PHTF2: variants seen among roughly 807,000 people sequenced by gnomAD.
The protein encoded by PHTF2 is putative homeodomain transcription factor 2, also known as protein PHTF2.
In PHTF2, 60 loss-of-function variants were observed where a neutral mutation model predicts 101.2. That is an observed-to-expected ratio of 0.59 (90% confidence interval 0.48 to 0.73). The LOEUF (loss-of-function observed/expected upper bound fraction) is 0.73, where lower values mean the gene tolerates loss of function less well. Among genes scored for constraint, PHTF2 ranks in the 30% least tolerant of loss-of-function variants. The probability of loss-of-function intolerance (pLI) is 0.00; values close to 1 mark genes in which losing one functional copy is unlikely to be tolerated. For missense variants in PHTF2, 747 were observed against 908.7 expected, an observed-to-expected ratio of 0.82 and a Z score of 2.29; for synonymous variants, 311 against 307.3, an observed-to-expected ratio of 1.01 and a Z score of -0.13.
chr7:77,886,453 T>C lies in PHTF2; in HGVS notation c.148-7155T>C, dbSNP rs573802274. Reference sequence around the variant, plus strand: ...CTACCTACCAATCCTCCCGTTTCTTTACGCTTTTCTTTCCTTCCCAGTTTT... The same window carrying C: ...CTACCTACCAATCCTCCCGTTTCTTCACGCTTTTCTTTCCTTCCCAGTTTT... On this transcript the variant is annotated intron_variant, in intron 3 of 19. Transcript: ENST00000416283. 2.0e-5 allele frequency among the ~76,000 whole-genome samples: 3 copies of C among 152,326 alleles called. No homozygotes were observed. In the South Asian group the frequency reaches 6.2e-4, roughly 32 times the overall value.
At chr7:77,833,428 G>A (rs897053218) in intron 1 of PHTF2, among the ~76,000 whole-genome samples, 14 of 152,174 alleles carry the variant, frequency 9.2e-5, no homozygotes, top group Admixed American at 2.0e-4. Context: ...AATAATATGA[G>A]AGTCTGAGGA....
chr7:77,905,758 A>G (rs1801797358), intron 7 of PHTF2, among the ~76,000 whole-genome samples: 1 of 151,764 alleles, frequency 6.6e-6, no homozygotes. Flanking sequence ...TCAGCCTGTC[A>G]GAGTGCTGGG....
Position 77,855,142 on chromosome 7 carries a change from T to A in PHTF2, c.147+308T>A, listed in dbSNP as rs565017965. Reference sequence around the variant, plus strand: ...GCAGTGAGTACCGCCTGGGTACCACTTATGTGTATTCAAGACCCAAGGGGT... The same window carrying A: ...GCAGTGAGTACCGCCTGGGTACCACATATGTGTATTCAAGACCCAAGGGGT... On this transcript the variant is annotated intron_variant, in intron 3 of 19. Coordinates refer to ENST00000416283, the Ensembl canonical transcript of PHTF2. 5.3e-5 allele frequency among the ~76,000 whole-genome samples: 8 copies of A among 152,306 alleles called. No homozygotes were observed. In the South Asian group the frequency reaches 1.7e-3, roughly 32 times the overall value.
At chr7:77,948,403 A>T (rs573056266) in intron 16 of PHTF2, among the ~76,000 whole-genome samples, 1 of 152,280 alleles carries the variant, frequency 6.6e-6, no homozygotes, top group East Asian at 1.9e-4. Flanking sequence ...CTATACATAA[A>T]AATAAATTCT....
chr7:77,872,031 A>G (rs1386186785), intron 3 of PHTF2, among the ~76,000 whole-genome samples: 3 of 152,180 alleles, frequency 2.0e-5, no homozygotes, highest in Non-Finnish European at 4.4e-5. Context: ...CCACCAGGTA[A>G]CTGGCTGATC....
chr7:77,941,687 T>A (rs570778494), intron 15 of PHTF2, among the ~76,000 whole-genome samples: 2 of 152,318 alleles, frequency 1.3e-5, no homozygotes, highest in African/African-American at 4.8e-5. Context: ...TTGAATCCAT[T>A]TGCTTCTCTT....
chr7:77,909,003 T>G lies in PHTF2; in HGVS notation c.611+45T>G, dbSNP rs1171044241. 2.3e-6 allele frequency: 3 copies of G among 1,328,682 alleles called. No homozygotes were observed. The African/African-American group carries it at 4.4e-5, about 20-fold the overall frequency. The allele number at this position is 1,328,682 out of a possible 1,614,324, so 82.3% of individuals were successfully genotyped here. Reference sequence around the variant, plus strand: ...AATCTTTTTGTACATTTATGTAATTTGAATCTACGATTGTTCTTGACTCCT... The same window carrying G: ...AATCTTTTTGTACATTTATGTAATTGGAATCTACGATTGTTCTTGACTCCT... On this transcript the variant is annotated intron_variant, in intron 8 of 19. Transcript: ENST00000416283.
At chr7:77,894,080 C>G in intron 5 of PHTF2, 87 bp downstream of exon 4, 1 of 1,001,312 alleles carries the variant, frequency 1.0e-6, no homozygotes, top group Non-Finnish European at 1.6e-6. Context: ...GTGCTACTAA[C>G]AGATTGACTT....
intron 18 of PHTF2, 52 bp downstream of exon 17, chr7:77,951,764 AATTTTATTT>A (rs1319623890): frequency 1.3e-6 from 1 of 775,582 alleles, no homozygotes; most frequent in Non-Finnish European, 2.1e-6. Context: ...GTTCTGACAT[AATTTTATTT>A]TTTTGTTTAT....
intron 1 of PHTF2, among the ~76,000 whole-genome samples, chr7:77,833,590 ATC>A (rs1269717195): frequency 1.3e-5 from 2 of 152,170 alleles, no homozygotes; most frequent in Non-Finnish European, 2.9e-5. Context: ...ATGAGACTCC[ATC>A]TCTCTCTACA....
At chr7:77,831,540 C>T (rs1475855022) in intron 1 of PHTF2, among the ~76,000 whole-genome samples, 1 of 152,128 alleles carries the variant, frequency 6.6e-6, no homozygotes, top group African/African-American at 2.4e-5. Flanking sequence ...GGTGTGTAAT[C>T]CAGGTTGACA....
chr7:77,852,834 G>T (rs150812150), intron 2 of PHTF2, among the ~76,000 whole-genome samples: 41 of 152,250 alleles, frequency 2.7e-4, no homozygotes, highest in African/African-American at 9.1e-4. Context: ...ATGTTTGAAA[G>T]ATATTTTTCC....
At chr7:77,850,274 A>G (rs1796636190) in intron 2 of PHTF2, among the ~76,000 whole-genome samples, 1 of 147,350 alleles carries the variant, frequency 6.8e-6, no homozygotes, top group Admixed American at 7.0e-5. Flanking sequence ...TGGGAGGATC[A>G]CTTGAGCCCT....
intron 1 of PHTF2, among the ~76,000 whole-genome samples, chr7:77,826,681 G>A (rs1794717127): frequency 1.3e-5 from 2 of 152,228 alleles, no homozygotes; most frequent in Non-Finnish European, 2.9e-5. Context: ...CTAACTGCAA[G>A]AAAGGTTAGG....
intron 1 of PHTF2, among the ~76,000 whole-genome samples, chr7:77,835,863 T>C (rs1217096913): frequency 6.6e-6 from 1 of 152,094 alleles, no homozygotes; most frequent in African/African-American, 2.4e-5. Flanking sequence ...CTCACACCTG[T>C]AATACCAGCA....
intron 7 of PHTF2, chr7:77,908,024 T>C (rs1490029751): frequency 6.6e-6 from 1 of 152,150 alleles, no homozygotes; most frequent in Non-Finnish European, 1.5e-5. Context: ...TCTTTAGTGT[T>C]TGTGATCTAG....
At chr7:77,872,167 C>T (rs889954987) in intron 3 of PHTF2, among the ~76,000 whole-genome samples, 1 of 152,280 alleles carries the variant, frequency 6.6e-6, no homozygotes, top group Non-Finnish European at 1.5e-5. Context: ...TGAGCCCATG[C>T]GTAACCTCCA....
intron 2 of PHTF2, among the ~76,000 whole-genome samples, chr7:77,843,751 T>G (rs1796063370): frequency 6.6e-6 from 1 of 152,204 alleles, no homozygotes; most frequent in South Asian, 2.1e-4. Flanking sequence ...CCCTTTGTGT[T>G]GAAAGCCAAG....
intron 12 of PHTF2, among the ~76,000 whole-genome samples, chr7:77,936,194 T>C (rs186567636): frequency 1.3e-5 from 2 of 152,212 alleles, no homozygotes; most frequent in Admixed American, 6.5e-5. Context: ...GCAACTTTAC[T>C]CCCCCTAGAG....
Sources: allele counts gnomAD v4.1 joint callset (sites outside exome capture counted in the v4.1 genomes callset), GRCh38; gene constraint gnomAD v4.1.1; transcripts MANE v1.5; gene names NCBI Gene and HGNC (gene_info 2026-07-23, HGNC 2026-07-21).